Variants in MPDZ observed in about 807,000 individuals in gnomAD.
MPDZ encodes the protein multiple PDZ domain crumbs cell polarity complex component.
Under a neutral mutation model 239.1 loss-of-function variants are expected in MPDZ, and 234 were observed. The observed-to-expected ratio is 0.98, with a 90% CI of 0.88 to 1.09. The LOEUF is 1.09. Ranked by LOEUF, MPDZ falls within the 50% of genes least tolerant of loss-of-function variation. The probability of loss-of-function intolerance (pLI) is 0.00; values close to 1 mark genes in which losing one functional copy is unlikely to be tolerated. For missense variants in MPDZ, 3,175 were observed against 2,510.0 expected, an observed-to-expected ratio of 1.26 and a Z score of -5.66; for synonymous variants, 1,048 against 881.3, an observed-to-expected ratio of 1.19 and a Z score of -3.35.
intron 3 of MPDZ, among the ~76,000 whole-genome samples, chr9:13,236,443 G>A (rs1964079821): frequency 6.7e-6 from 1 of 149,512 alleles, no homozygotes; most frequent in Non-Finnish European, 1.5e-5. Context: ...CCACCCACCT[G>A]GCTAATTTTG....
At chr9:13,230,955 A>G (rs1434878270) in intron 3 of MPDZ, among the ~76,000 whole-genome samples, 2 of 152,152 alleles carry the variant, frequency 1.3e-5, no homozygotes, top group African/African-American at 2.4e-5. Flanking sequence ...CGAATCAAAA[A>G]GCTAAAATAA....
Position 13,250,339 on chromosome 9 carries a change from C to T in MPDZ, c.-24G>A, listed in dbSNP as rs1967605751. 1 of 1,577,944 alleles carries T rather than the reference C, an allele frequency of 6.3e-7. No homozygotes were observed. The highest frequency in any genetic ancestry group is 2.3e-5 in the East Asian group (1 of 43,774). ...ATTTTTTTCAAAGTTCAGTGTTCTT[C>T]TCTGAAATGATTAACAGCAATTAAA... On this transcript the variant is annotated 5_prime_UTR_variant, in exon 2 of 47. Transcript: ENST00000319217.
rs1954699968 is a variant in MPDZ, at chr9:13,190,136, CCA to C, written c.2130_2131del (p.Gly711PhefsTer2). On this transcript the variant is annotated frameshift_variant, in exon 16 of 47. Coordinates refer to ENST00000319217, the MANE Select transcript of MPDZ (RefSeq NM_001378778.1). LOFTEE classifies it high-confidence loss of function. ...TACCTGATAATCTAAAATGCTAAAACCAAGTCCTTTGCTCCCTTTCTCCAGCT... is the reference window on the plus strand; with the variant it reads ...TACCTGATAATCTAAAATGCTAAAACAGTCCTTTGCTCCCTTTCTCCAGCT... 1 of 1,612,676 alleles carries C rather than the reference CCA, an allele frequency of 6.2e-7. No homozygotes were observed. Among genetic ancestry groups the C allele is most frequent in the South Asian group, 1.1e-5 (1 of 90,960 alleles).
intron 24 of MPDZ, among the ~76,000 whole-genome samples, chr9:13,154,995 G>T (rs1949648951): frequency 2.0e-5 from 3 of 152,116 alleles, no homozygotes; most frequent in Admixed American, 2.0e-4. Flanking sequence ...AAGGCAGGTG[G>T]ATCATGAGGT....
At chr9:13,196,499 C>A (rs902927885) in intron 12 of MPDZ, among the ~76,000 whole-genome samples, 1 of 152,080 alleles carries the variant, frequency 6.6e-6, no homozygotes, top group Admixed American at 6.6e-5. Context: ...TTTATTTAAA[C>A]GAGTAAGGAC....
intron 1 of MPDZ, among the ~76,000 whole-genome samples, chr9:13,257,990 T>C (rs763331669): frequency 6.6e-6 from 1 of 152,220 alleles, no homozygotes; most frequent in Non-Finnish European, 1.5e-5. Flanking sequence ...TGTAAAACTT[T>C]AATATAATGA....
At chr9:13,139,922 C>T in intron 28 of MPDZ, 65 bp downstream of exon 28, 1 of 1,595,238 alleles carries the variant, frequency 6.3e-7, no homozygotes, top group Non-Finnish European at 8.6e-7. Context: ...GGGCGAAATC[C>T]TTGAGAAACT....
chr9:13,182,589 G>A (rs1329544629), intron 19 of MPDZ, among the ~76,000 whole-genome samples: 1 of 151,906 alleles, frequency 6.6e-6, no homozygotes, highest in African/African-American at 2.4e-5. Context: ...AAAGAAAAAT[G>A]AGCAACCCAA....
chr9:13,223,111 C>G (rs1564070657), intron 5 of MPDZ, among the ~76,000 whole-genome samples: 1 of 151,962 alleles, frequency 6.6e-6, no homozygotes, highest in Non-Finnish European at 1.5e-5. Context: ...TATACAAATA[C>G]TATACCACTT....
intron 1 of MPDZ, among the ~76,000 whole-genome samples, chr9:13,255,060 A>G (rs934029171): frequency 1.3e-5 from 2 of 152,198 alleles, no homozygotes; most frequent in African/African-American, 2.4e-5. Context: ...TACTTTATCA[A>G]CTAAGGTTAT....
intron 24 of MPDZ, among the ~76,000 whole-genome samples, chr9:13,154,782 T>C (rs1018337620): frequency 2.0e-5 from 3 of 152,178 alleles, no homozygotes; most frequent in African/African-American, 7.2e-5. Flanking sequence ...AATCCTGTTA[T>C]ACCTACCACA....
In MPDZ at chr9:13,193,229, C is replaced by G. The variant is rs199726781; in HGVS notation, c.1741G>C (p.Val581Leu). 51 of 1,612,076 alleles carry G rather than the reference C, an allele frequency of 3.2e-5. No individual in the cohort carries two copies. The highest frequency in any genetic ancestry group is 4.2e-5 in the Non-Finnish European group (49 of 1,178,804). Reference protein sequence around the residue: ...ATVGHHFIRSVLPEGPVGHSG... With the variant: ...ATVGHHFIRSLLPEGPVGHSG... Reference sequence around the variant, plus strand: ...TGTCCAACAGGACCCTCTGGTAGAACAGATCGGATAAAATGATGTCCCACT... The same window carrying G: ...TGTCCAACAGGACCCTCTGGTAGAAGAGATCGGATAAAATGATGTCCCACT... Residue 581 changes from valine to leucine, a missense_variant, in exon 14 of 47, where the codon GTT (valine) becomes CTT (leucine). Val to Leu is a conservative substitution (Grantham distance 32). Coordinates refer to ENST00000319217, the MANE Select transcript of MPDZ (RefSeq NM_001378778.1).
chr9:13,128,123 A>C (rs1470959490), intron 32 of MPDZ, among the ~76,000 whole-genome samples: 1 of 151,574 alleles, frequency 6.6e-6, no homozygotes, highest in Admixed American at 6.6e-5. Flanking sequence ...TTCTTCCCTC[A>C]CTATGTTTCA....
intron 1 of MPDZ, 43 bp from the exon 2 acceptor site, chr9:13,250,415 T>G: frequency 9.3e-7 from 1 of 1,080,710 alleles, no homozygotes; most frequent in South Asian, 1.4e-5. Flanking sequence ...TATCAGAACT[T>G]TATATTCTAA....
At chr9:13,239,054 G>C (rs914158201) in intron 3 of MPDZ, among the ~76,000 whole-genome samples, 1 of 152,002 alleles carries the variant, frequency 6.6e-6, no homozygotes, top group African/African-American at 2.4e-5. Flanking sequence ...ACTACAAACT[G>C]ATCAGGAAAC....
intron 1 of MPDZ, among the ~76,000 whole-genome samples, chr9:13,252,245 C>G (rs1968232739): frequency 6.6e-6 from 1 of 152,062 alleles, no homozygotes; most frequent in Non-Finnish European, 1.5e-5. Flanking sequence ...GCCAACCCCC[C>G]TCAAAAACAA....
intron 8 of MPDZ, among the ~76,000 whole-genome samples, chr9:13,218,469 G>A (rs770996585): frequency 2.0e-5 from 3 of 151,708 alleles, no homozygotes; most frequent in African/African-American, 4.8e-5. Context: ...TTTATATATC[G>A]CTGAATAAAA....
chr9:13,158,184 T>C lies in MPDZ; in HGVS notation c.3360-74A>G. On this transcript the variant is annotated intron_variant, in intron 23 of 46. Transcript: ENST00000319217. ...TGCAAGATTATATGTACTCTACTAT[T>C]GATTTAGCTAAAAATGCAGGACTGT... The C allele has an allele frequency of 2.7e-6, 3 of 1,131,878 alleles. No homozygotes were observed. The Admixed American group carries it at 6.0e-5, about 23-fold the overall frequency. 70.1% of individuals were successfully genotyped at this position (1,131,878 alleles called of 1,614,324 possible). A position where few individuals can be genotyped will look rare whatever the true frequency, so the allele number is the denominator to read the frequency against.
intron 32 of MPDZ, among the ~76,000 whole-genome samples, chr9:13,130,856 A>C (rs1415339211): frequency 6.6e-6 from 1 of 152,174 alleles, no homozygotes; most frequent in Non-Finnish European, 1.5e-5. Flanking sequence ...AGGAACATAC[A>C]GGCATTTCAG....
Sources: allele counts gnomAD v4.1 joint callset (sites outside exome capture counted in the v4.1 genomes callset), GRCh38; gene constraint gnomAD v4.1.1; transcripts MANE v1.5; gene names NCBI Gene and HGNC (gene_info 2026-07-23, HGNC 2026-07-21).